Variants in TRIP11 observed in about 807,000 individuals in gnomAD.
TRIP11 encodes the protein thyroid hormone receptor interactor 11.
Under a neutral mutation model 223.1 loss-of-function variants are expected in TRIP11, and 148 were observed. The ratio of observed to expected loss-of-function variants is 0.66; its 90% CI spans 0.58 to 0.76. TRIP11 has a LOEUF of 0.76. TRIP11 is among the 30% of genes least tolerant of loss of function. TRIP11 has a pLI of 0.00. For missense variants in TRIP11, 2,043 were observed against 2,222.0 expected (o/e 0.92, Z 1.62); for synonymous variants, 762 against 772.6 (o/e 0.99, Z 0.23).
At chr14:91,975,497 A>T (rs1438426499) in intron 17 of TRIP11, among the ~76,000 whole-genome samples, 1 of 152,144 alleles carries the variant, frequency 6.6e-6, no homozygotes, top group Non-Finnish European at 1.5e-5. Context: ...ACATCCCAAA[A>T]TGTGTATCTT....
chr14:92,012,638 C>T (rs996203742), intron 7 of TRIP11, among the ~76,000 whole-genome samples: 2 of 152,024 alleles, frequency 1.3e-5, no homozygotes, highest in African/African-American at 4.8e-5. Context: ...CTAAAAGAGC[C>T]ATAGAGACAC....
At chr14:91,982,711 T>C (rs2056559787) in intron 16 of TRIP11, among the ~76,000 whole-genome samples, 1 of 152,186 alleles carries the variant, frequency 6.6e-6, no homozygotes, top group South Asian at 2.1e-4. Flanking sequence ...TGGGCCCACA[T>C]TCCTGCATGG....
At chr14:92,027,326 C>T (rs976656917) in intron 2 of TRIP11, among the ~76,000 whole-genome samples, 3 of 151,626 alleles carry the variant, frequency 2.0e-5, no homozygotes, top group South Asian at 2.1e-4. Context: ...AAAGCAAAAA[C>T]GACAACAGAA....
In TRIP11 at chr14:92,004,902, A is replaced by T; in HGVS notation, c.3074T>A (p.Ile1025Lys). The T allele has an allele frequency of 6.2e-7, 1 of 1,613,908 alleles. No homozygotes were observed. Among genetic ancestry groups the T allele is most frequent in the Non-Finnish European group, 8.5e-7 (1 of 1,179,984 alleles). Residue 1025 changes from isoleucine to lysine, a missense_variant, in exon 11 of 21, where the codon ATA becomes AAA. Physicochemically the swap from Ile to Lys is moderately radical, Grantham distance 102. Coordinates refer to ENST00000267622, the MANE Select transcript of TRIP11 (RefSeq NM_004239.4). ...TTTAATCTCCAGTTCTCGCTCTTTT[A>T]TTCCTTTCACTAATCTTTCCGTTTC... is the stretch of plus-strand genomic sequence containing the variant. The part of the protein sequence containing the change: ...KAETERLVKG[I>K]KERELEIKLL...
At position 91,969,661 on chromosome 14, in the gene TRIP11, C is replaced by A. The variant is rs1438900990; in HGVS notation, c.*12G>T. The A allele has an allele frequency of 5.0e-6, 8 of 1,611,530 alleles. No individual in the cohort carries two copies. Among genetic ancestry groups the A allele is most frequent in the Non-Finnish European group, 6.8e-6 (8 of 1,179,480 alleles). On this transcript the variant is annotated 3_prime_UTR_variant, in exon 21 of 21. Transcript: ENST00000267622. ...CTTTAAAGTGCTAGATTGTCTCTGG[C>A]TTGAGAATCATCTATTGCTTTAAAA...
At chr14:92,034,396 C>T (rs1298512603) in intron 1 of TRIP11, among the ~76,000 whole-genome samples, 1 of 148,602 alleles carries the variant, frequency 6.7e-6, no homozygotes, top group African/African-American at 2.6e-5. Context: ...GCACTCCAGC[C>T]TGGGTTACAG....
chr14:92,000,924 G>A lies in TRIP11; in HGVS notation c.4558-816C>T, dbSNP rs546625146. On this transcript the variant is annotated intron_variant, in intron 11 of 20. Transcript: ENST00000267622. ...TGCCCAGGCTGGAGTGCAGTGGCGC[G>A]ATCTCGGTTCACTGCAACCTCCGCC... 8.0e-4 allele frequency among the ~76,000 whole-genome samples: 120 copies of A among 150,644 alleles called. 1 individual carries two copies. The highest frequency in any genetic ancestry group is 1.5e-3 in the Admixed American group (23 of 15,072).
At chr14:91,976,773 A>G (rs2056470023) in intron 16 of TRIP11, among the ~76,000 whole-genome samples, 1 of 152,314 alleles carries the variant, frequency 6.6e-6, no homozygotes, top group African/African-American at 2.4e-5. Flanking sequence ...ACTGACTTAG[A>G]AGGATGCCTG....
chr14:91,968,061 C>T lies in TRIP11; in HGVS notation c.*1612G>A. ...CAGAAAAACAAGTTTCACCCATCAA[C>T]ATGGAATTAAGACTTCCAGTCTTCC... On this transcript the variant is annotated 3_prime_UTR_variant, in exon 21 of 21. Transcript: ENST00000267622. 5.0e-6 allele frequency: 1 copy of T among 201,992 alleles called. No individual in the cohort carries two copies. 12.5% of individuals were successfully genotyped at this position (201,992 alleles called of 1,614,324 possible). A position where few individuals can be genotyped will look rare whatever the true frequency, so the allele number is the denominator to read the frequency against.
chr14:91,999,300 T>G lies in TRIP11; in HGVS notation c.4832A>C (p.Lys1611Thr). 6.2e-7 allele frequency: 1 copy of G among 1,613,958 alleles called. No homozygotes were observed. Among genetic ancestry groups the G allele is most frequent in the Non-Finnish European group, 8.5e-7 (1 of 1,179,922 alleles). ...CTTTTCCTCCAATACTGTGACTTTCTTTCTTAGTTTAGCCTCTCTATCTTC... is the reference window on the plus strand; with the variant it reads ...CTTTTCCTCCAATACTGTGACTTTCGTTCTTAGTTTAGCCTCTCTATCTTC... ...AAEDREAKLRKKVTVLEEKLV... is the reference protein window; with the variant it reads ...AAEDREAKLRTKVTVLEEKLV... The change falls in exon 13 of 21, where the codon AAG becomes ACG. Residue 1611 changes from lysine (K) to threonine (T), a missense_variant. Lys to Thr is a moderately conservative substitution (Grantham distance 78). Coordinates refer to ENST00000267622, the MANE Select transcript of TRIP11 (RefSeq NM_004239.4).
chr14:91,970,642 T>C (rs1296623760), intron 20 of TRIP11, among the ~76,000 whole-genome samples: 3 of 152,120 alleles, frequency 2.0e-5, no homozygotes, highest in Non-Finnish European at 4.4e-5. Flanking sequence ...ACAAGCAAGG[T>C]CTATGAAATA....
At chr14:92,019,448 A>G (rs890396708) in intron 4 of TRIP11, among the ~76,000 whole-genome samples, 3 of 152,190 alleles carry the variant, frequency 2.0e-5, no homozygotes, top group African/African-American at 7.2e-5. Flanking sequence ...CTTTTTGGAG[A>G]TAAGATGGAC....
intron 20 of TRIP11, among the ~76,000 whole-genome samples, chr14:91,971,236 A>C (rs1595363057): frequency 6.6e-6 from 1 of 152,330 alleles, no homozygotes; most frequent in South Asian, 2.1e-4. Flanking sequence ...GACCTCCTAA[A>C]GCAAAGAAAG....
At position 92,039,656 on chromosome 14, in the gene TRIP11, G is replaced by A; in HGVS notation, c.30C>T (p.Ser10=). Residue 10 remains serine (S), a synonymous_variant, in exon 1 of 21, where the codon TCC becomes TCT. Transcript: ENST00000267622. MSSWLGGLG[S]GLGQSLGQVG... is the part of the protein sequence containing the mutation. ...CTTGACCCAGAGACTGGCCCAATCC[G>A]GAGCCGAGGCCCCCAAGCCAGGACG... 1.2e-6 allele frequency: 2 copies of A among 1,612,432 alleles called. No individual in the cohort carries two copies. Among genetic ancestry groups the A allele is most frequent in the South Asian group, 2.2e-5 (2 of 90,618 alleles).
intron 5 of TRIP11, among the ~76,000 whole-genome samples, chr14:92,017,162 G>A (rs1002739117): frequency 4.8e-4 from 73 of 151,958 alleles, no homozygotes; most frequent in African/African-American, 1.5e-3. Flanking sequence ...GATAAGCTCC[G>A]TAATAAATGT....
At chr14:92,021,410 G>T in intron 4 of TRIP11, 146 bp downstream of exon 4, 23 of 662,126 alleles carry the variant, frequency 3.5e-5, no homozygotes, top group Non-Finnish European at 4.9e-5. Context: ...AAAAAAGAAA[G>T]AAAGTCACTG....
intron 16 of TRIP11, among the ~76,000 whole-genome samples, chr14:91,977,899 TATAA>T (rs2056488431): frequency 1.3e-5 from 2 of 152,224 alleles, no homozygotes; most frequent in African/African-American, 2.4e-5. Flanking sequence ...ATGTCATTCA[TATAA>T]TAGGCCAATT....
In TRIP11 at chr14:92,011,755, C is replaced by T; in HGVS notation, c.1227G>A (p.Gln409=). ...NEIMRLSSLN[Q]DNSLAEDNLK... The stretch of plus-strand genomic sequence containing the variant: ...ATAACATTTGTCAAAATTAATTTAC[C>T]TGGTTTAAACTACTCAATCTCATTA... Residue 409 remains glutamine, a splice_region_variant and synonymous_variant, in exon 8 of 21, where the codon CAG becomes CAA. Transcript: ENST00000267622. 6.2e-7 allele frequency: 1 copy of T among 1,611,252 alleles called. No homozygotes were observed. The highest frequency in any genetic ancestry group is 8.5e-7 in the Non-Finnish European group (1 of 1,179,058).
At chr14:92,003,335 TC>T in intron 11 of TRIP11, 83 bp downstream of exon 11, 1 of 1,550,336 alleles carries the variant, frequency 6.5e-7, no homozygotes, top group Non-Finnish European at 8.8e-7. Flanking sequence ...ACAGTCCCCT[TC>T]AAAGACAATA....
Sources: gnomAD v4.1 joint callset for allele counts (sites outside exome capture counted in the v4.1 genomes callset) on GRCh38, gnomAD v4.1.1 for gene constraint, MANE v1.5 for transcripts, NCBI Gene and HGNC (gene_info 2026-07-23, HGNC 2026-07-21) for gene names.